The following LRP2 variants were observed in gnomAD, a reference collection of about 807,000 sequenced individuals.
The protein encoded by LRP2 is LDL receptor related protein 2.
LRP2 carries 172 observed loss-of-function variants against 531.0 expected under a neutral mutation model. That is an observed-to-expected ratio of 0.32 (90% CI 0.29 to 0.37). The LOEUF (loss-of-function observed/expected upper bound fraction) is 0.37, where lower values mean the gene tolerates loss of function less well. Ranked by LOEUF, LRP2 falls within the 10% of genes least tolerant of loss-of-function variation. The pLI is 1.00. For missense variants in LRP2, 5,167 were observed against 5,868.3 expected (o/e 0.88, Z 3.90); for synonymous variants, 1,992 against 2,027.6 (o/e 0.98, Z 0.47).
chr2:169,147,370 T>C (rs149688588), intron 68 of LRP2, among the ~76,000 whole-genome samples: 1 of 152,344 alleles, frequency 6.6e-6, no homozygotes, highest in Admixed American at 6.5e-5. Context: ...TTGCCCAGGC[T>C]GGAATGCAGC....
At chr2:169,194,989 G>T (rs147899325) in intron 46 of LRP2, among the ~76,000 whole-genome samples, 1 of 152,114 alleles carries the variant, frequency 6.6e-6, no homozygotes, top group African/African-American at 2.4e-5. Flanking sequence ...GATTACAGGC[G>T]TGAGCCACCG....
chr2:169,179,008 T>G (rs1486421977), intron 52 of LRP2, among the ~76,000 whole-genome samples: 2 of 151,574 alleles, frequency 1.3e-5, no homozygotes, highest in African/African-American at 4.8e-5. Flanking sequence ...TTTATTTATT[T>G]ATTTATTTAT....
chr2:169,327,315 G>A (rs1282648396), intron 1 of LRP2, among the ~76,000 whole-genome samples: 3 of 119,746 alleles, frequency 2.5e-5, no homozygotes, highest in Non-Finnish European at 5.6e-5. Context: ...AGGGAGGTGG[G>A]GTCAGCCCCC....
rs1384012303 is a variant in LRP2 at position 169,225,345 on chromosome 2, G to C, written c.5503C>G (p.Leu1835Val). The change falls in exon 33 of 79, where the codon CTT becomes GTT. Residue 1835 changes from leucine to valine, a missense_variant. Physicochemically the swap from Leu to Val is conservative, Grantham distance 32. Coordinates refer to ENST00000649046, the MANE Select transcript of LRP2 (RefSeq NM_004525.3). ...TGAGTTCTAGGATTGGTAGAATAAA[G>C]GTTTCTTGAAATCCAATCTAAGGCC... ...NLALDWISRNLYSTNPRTQSI... is the reference protein window; with the variant it reads ...NLALDWISRNVYSTNPRTQSI... 1 of 1,613,762 alleles carries C rather than the reference G, an allele frequency of 6.2e-7. No homozygotes were observed. Among genetic ancestry groups the C allele is most frequent in the African/African-American group, 1.3e-5 (1 of 74,856 alleles).
rs924512628 is a variant in LRP2, at chr2:169,138,802, A to T, written c.13389-96T>A. On this transcript the variant is annotated intron_variant, in intron 74 of 78. Transcript: ENST00000649046. The stretch of plus-strand genomic sequence containing the variant: ...TTCACAATAGTACCCTCTCCTCCAC[A>T]TTGCCAAATCTTCCTCAAATGTAAT... 6.5e-6 allele frequency: 9 copies of T among 1,383,818 alleles called. No homozygotes were observed. In the Admixed American group the frequency reaches 1.2e-4, roughly 19 times the overall value. 85.7% of individuals were successfully genotyped at this position (1,383,818 alleles called of 1,614,324 possible).
intron 69 of LRP2, among the ~76,000 whole-genome samples, chr2:169,146,362 C>T (rs775897343): frequency 6.5e-4 from 99 of 152,136 alleles, no homozygotes; most frequent in Non-Finnish European, 1.1e-3. Context: ...TAGATATTTA[C>T]AGTTGTGCAT....
chr2:169,199,126 G>A (rs1688102381), intron 44 of LRP2, among the ~76,000 whole-genome samples: 1 of 152,174 alleles, frequency 6.6e-6, no homozygotes, highest in Non-Finnish European at 1.5e-5. Context: ...GAAGGGAGAG[G>A]AGACACTGGT....
intron 4 of LRP2, among the ~76,000 whole-genome samples, chr2:169,299,886 G>A (rs892452970): frequency 6.6e-6 from 1 of 152,076 alleles, no homozygotes; most frequent in African/African-American, 2.4e-5. Context: ...CCTCCCTGCT[G>A]GAAATGTAGC....
At chr2:169,327,913 G>A (rs1455865643) in intron 1 of LRP2, among the ~76,000 whole-genome samples, 1 of 91,590 alleles carries the variant, frequency 1.1e-5, no homozygotes, top group African/African-American at 4.6e-5. Context: ...CCGGCCAGCC[G>A]CCCCGTCCAG....
At chr2:169,130,767 T>G (rs1685255808) in intron 77 of LRP2, among the ~76,000 whole-genome samples, 1 of 152,076 alleles carries the variant, frequency 6.6e-6, no homozygotes, top group African/African-American at 2.4e-5. Context: ...GGACATAACA[T>G]GGAAGACACA....
chr2:169,162,648 C>G (rs919943339), intron 62 of LRP2, 48 bp from the exon 63 acceptor site: 3 of 1,580,576 alleles, frequency 1.9e-6, no homozygotes, highest in African/African-American at 1.3e-5. Flanking sequence ...TTTTATGAAG[C>G]AAGATACTTC....
intron 48 of LRP2, among the ~76,000 whole-genome samples, chr2:169,188,532 CA>C (rs1368098625): frequency 1.3e-5 from 2 of 152,156 alleles, no homozygotes; most frequent in African/African-American, 4.8e-5. Context: ...TAAATGCTAC[CA>C]TTTAATAGCT....
chr2:169,324,388 A>G (rs1296834646), intron 1 of LRP2, among the ~76,000 whole-genome samples: 1 of 152,178 alleles, frequency 6.6e-6, no homozygotes, highest in Non-Finnish European at 1.5e-5. Flanking sequence ...CTCTCAATTA[A>G]CATTAATTGA....
intron 68 of LRP2, among the ~76,000 whole-genome samples, chr2:169,148,650 ATTT>A (rs1686009729): frequency 1.3e-5 from 2 of 152,196 alleles, no homozygotes; most frequent in South Asian, 4.1e-4. Context: ...AATTAATTCA[ATTT>A]AATTTAAATT....
intron 30 of LRP2, 82 bp downstream of exon 30, chr2:169,233,329 C>A: frequency 6.8e-7 from 1 of 1,473,286 alleles, no homozygotes; most frequent in South Asian, 1.1e-5. Context: ...ACAAATGGGT[C>A]TGTAACAGTG....
At chr2:169,202,005 T>C in intron 43 of LRP2, 135 bp from the exon 44 acceptor site, 2 of 1,069,470 alleles carry the variant, frequency 1.9e-6, no homozygotes, top group South Asian at 2.8e-5. Context: ...ATGGACTGCA[T>C]GCAAAGTGAG....
chr2:169,326,505 G>C (rs1354397797), intron 1 of LRP2, among the ~76,000 whole-genome samples: 34 of 151,588 alleles, frequency 2.2e-4, no homozygotes, highest in Non-Finnish European at 4.4e-4. Flanking sequence ...GACGGAGTCT[G>C]GTTCACTCAG....
intron 1 of LRP2, among the ~76,000 whole-genome samples, chr2:169,342,019 C>T (rs1685576411): frequency 1.3e-5 from 2 of 151,986 alleles, no homozygotes; most frequent in South Asian, 4.2e-4. Context: ...CTGTCCTCTG[C>T]CCTCTAAATG....
chr2:169,204,022 A>C lies in LRP2; in HGVS notation c.7965T>G (p.Cys2655Trp). 6.2e-7 allele frequency: 1 copy of C among 1,614,180 alleles called. No homozygotes were observed. The highest frequency in any genetic ancestry group is 8.5e-7 in the Non-Finnish European group (1 of 1,180,016). The change falls in exon 42 of 79, where the codon TGT becomes TGG. Residue 2655 changes from cysteine (C) to tryptophan (W), a missense_variant. Physicochemically the swap from Cys to Trp is radical, Grantham distance 215 (BLOSUM62 -2). This residue lies in a region of LRP2 where 1,129 missense variants were observed against 1,362.7 expected (regional missense o/e 0.83). Coordinates refer to ENST00000649046, the MANE Select transcript of LRP2 (RefSeq NM_004525.3). ...KNQKQQCNNP[C>W]EQFNGGCSHI... ...GGCTGCAGCCCCCATTAAACTGTTCACAAGGATTGTTACACTGTTGTTTCT... is the reference window on the plus strand; with the variant it reads ...GGCTGCAGCCCCCATTAAACTGTTCCCAAGGATTGTTACACTGTTGTTTCT...
Sources: gnomAD v4.1 joint callset for allele counts (sites outside exome capture counted in the v4.1 genomes callset) on GRCh38, gnomAD v4.1.1 for gene constraint, gnomAD v4.1.1 regional missense constraint, MANE v1.5 for transcripts, NCBI Gene and HGNC (gene_info 2026-07-23, HGNC 2026-07-21) for gene names.